Variants in NR3C2 observed in about 807,000 individuals in gnomAD.
NR3C2 encodes nuclear receptor subfamily 3 group C member 2, also known as mineralocorticoid receptor.
Under a neutral mutation model 86.4 loss-of-function variants are expected in NR3C2, and 15 were observed. That is an observed-to-expected ratio of 0.17 (90% CI 0.12 to 0.27). The LOEUF is 0.27. Ranked by LOEUF, NR3C2 falls within the 10% of genes least tolerant of loss-of-function variation. The pLI is 1.00. For missense variants in NR3C2, 960 were observed against 1,195.6 expected, an observed-to-expected ratio of 0.80 and a Z score of 2.91; for synonymous variants, 458 against 450.5, an observed-to-expected ratio of 1.02 and a Z score of -0.21.
intron 4 of NR3C2, among the ~76,000 whole-genome samples, chr4:148,186,922 G>A (rs1264146709): frequency 1.4e-5 from 2 of 145,284 alleles, no homozygotes; most frequent in Non-Finnish European, 3.0e-5. Flanking sequence ...TCTCATCCAG[G>A]TCACTGCAAA....
At chr4:148,257,415 G>A (rs2149868546) in intron 3 of NR3C2, among the ~76,000 whole-genome samples, 1 of 152,166 alleles carries the variant, frequency 6.6e-6, no homozygotes, top group African/African-American at 2.4e-5. Context: ...AACTGATATG[G>A]CAAAATAGCA....
chr4:148,304,845 T>C (rs1319724630), intron 2 of NR3C2, among the ~76,000 whole-genome samples: 2 of 151,090 alleles, frequency 1.3e-5, no homozygotes, highest in Non-Finnish European at 2.9e-5. Flanking sequence ...TCAGCTCCTG[T>C]GTGGTGGCCT....
At chr4:148,212,400 G>A (rs1392333920) in intron 3 of NR3C2, among the ~76,000 whole-genome samples, 2 of 152,204 alleles carry the variant, frequency 1.3e-5, no homozygotes, top group Admixed American at 1.3e-4. Flanking sequence ...TCTGAAGTTA[G>A]GACTGAGCTA....
chr4:148,104,577 T>C (rs753189749), intron 8 of NR3C2, among the ~76,000 whole-genome samples: 9 of 152,226 alleles, frequency 5.9e-5, no homozygotes, highest in Non-Finnish European at 8.8e-5. Context: ...TCTCTCGATG[T>C]CTCTTACATA....
chr4:148,100,106 C>T (rs751498486), intron 8 of NR3C2, among the ~76,000 whole-genome samples: 1 of 152,288 alleles, frequency 6.6e-6, no homozygotes, highest in East Asian at 1.9e-4. Flanking sequence ...AATGATGAAG[C>T]ACGAGGAGCT....
intron 2 of NR3C2, among the ~76,000 whole-genome samples, chr4:148,372,088 T>A (rs1376782786): frequency 6.6e-6 from 1 of 152,154 alleles, no homozygotes; most frequent in Non-Finnish European, 1.5e-5. Flanking sequence ...AAACTTGAAG[T>A]AAAATACACA....
chr4:148,184,395 G>A (rs970341317), intron 4 of NR3C2, among the ~76,000 whole-genome samples: 1 of 151,702 alleles, frequency 6.6e-6, no homozygotes, highest in African/African-American at 2.4e-5. Context: ...GGAGGCGGAG[G>A]TTGCAGTGAG....
At chr4:148,417,811 A>AAC (rs1268625185) in intron 2 of NR3C2, among the ~76,000 whole-genome samples, 6 of 152,200 alleles carry the variant, frequency 3.9e-5, no homozygotes, top group Non-Finnish European at 5.9e-5. Flanking sequence ...TTTTGTTTTC[A>AAC]TTTCTGTTGT....
At chr4:148,324,331 C>CTGTG (rs374839889) in intron 2 of NR3C2, among the ~76,000 whole-genome samples, 1,505 of 141,880 alleles carry the variant, frequency 0.011, 33 homozygotes, top group East Asian at 0.06. Context: ...TAATATTCCT[C>CTGTG]TGTGTGTGTG....
At position 148,215,951 on chromosome 4, in the gene NR3C2, T is replaced by C. The variant is rs540634508; in HGVS notation, c.1898-21089A>G. Among the ~76,000 whole-genome samples the C allele has an allele frequency of 7.1e-4, 108 of 151,914 alleles. 1 individual carries two copies. Among genetic ancestry groups the C allele is most frequent in the Non-Finnish European group, 1.2e-3 (82 of 67,956 alleles). ...CCCACCACCACGCCTAGCTATTTTT[T>C]TTGTGTGTGTGTGTTTTTAGTAGAG... On this transcript the variant is annotated intron_variant, in intron 3 of 8. Transcript: ENST00000358102.
chr4:148,164,508 A>G (rs1255082513), intron 4 of NR3C2, among the ~76,000 whole-genome samples: 1 of 152,202 alleles, frequency 6.6e-6, no homozygotes, highest in African/African-American at 2.4e-5. Flanking sequence ...AGACTGATGT[A>G]TGTGCATGTG....
chr4:148,183,838 CTGA>C (rs1468361157), intron 4 of NR3C2, among the ~76,000 whole-genome samples: 2 of 152,184 alleles, frequency 1.3e-5, no homozygotes, highest in Non-Finnish European at 2.9e-5. Flanking sequence ...AATTCCTCCT[CTGA>C]TGGAATGTAT....
At chr4:148,359,038 G>T (rs1745709567) in intron 2 of NR3C2, among the ~76,000 whole-genome samples, 1 of 152,076 alleles carries the variant, frequency 6.6e-6, no homozygotes, top group African/African-American at 2.4e-5. Context: ...TTTACCAGGA[G>T]AGAGCTGTAA....
chr4:148,321,208 T>G (rs1350641349), intron 2 of NR3C2, among the ~76,000 whole-genome samples: 1 of 127,708 alleles, frequency 7.8e-6, no homozygotes, highest in Non-Finnish European at 1.8e-5. Context: ...TTCTTAATCC[T>G]GAGTTCTAGT....
intron 2 of NR3C2, among the ~76,000 whole-genome samples, chr4:148,305,413 G>T (rs995973057): frequency 6.6e-6 from 1 of 152,026 alleles, no homozygotes; most frequent in African/African-American, 2.4e-5. Flanking sequence ...TTTTAGAGGG[G>T]ACTCTGGGTC....
chr4:148,362,486 T>A (rs980199324), intron 2 of NR3C2, among the ~76,000 whole-genome samples: 1 of 152,220 alleles, frequency 6.6e-6, no homozygotes, highest in East Asian at 1.9e-4. Flanking sequence ...AAATTAAAAA[T>A]TTTAAAAATG....
At chr4:148,307,624 AT>A (rs1045425794) in intron 2 of NR3C2, among the ~76,000 whole-genome samples, 2 of 152,146 alleles carry the variant, frequency 1.3e-5, no homozygotes, top group Admixed American at 6.5e-5. Flanking sequence ...TCATATTTAT[AT>A]TTGTTTAACA....
intron 2 of NR3C2, among the ~76,000 whole-genome samples, chr4:148,342,841 T>C (rs1185207214): frequency 2.6e-5 from 4 of 152,200 alleles, no homozygotes; most frequent in Non-Finnish European, 4.4e-5. Flanking sequence ...GTATTTTTAC[T>C]AGAAATTGCT....
At chr4:148,217,690 C>T (rs570242526) in intron 3 of NR3C2, among the ~76,000 whole-genome samples, 5 of 152,332 alleles carry the variant, frequency 3.3e-5, no homozygotes, top group African/African-American at 9.6e-5. Flanking sequence ...ATTTTTCTAA[C>T]ACCAAATGTG....
Sources: gnomAD v4.1 joint callset for allele counts (sites outside exome capture counted in the v4.1 genomes callset) on GRCh38, gnomAD v4.1.1 for gene constraint, MANE v1.5 for transcripts, NCBI Gene and HGNC (gene_info 2026-07-23, HGNC 2026-07-21) for gene names.